Variants in SLC16A4 observed in about 807,000 individuals in gnomAD.
The protein encoded by SLC16A4 is probable monocarboxylate transporter 5.
In SLC16A4, 39 loss-of-function variants were observed where a neutral mutation model predicts 47.9. That is an observed-to-expected ratio of 0.81 (90% CI 0.63 to 1.06). The LOEUF is 1.06. Ranked by LOEUF, SLC16A4 falls within the 50% of genes least tolerant of loss-of-function variation. The pLI is 0.00. For synonymous variants in SLC16A4, 189 were observed against 199.9 expected (o/e 0.95, Z 0.46); for missense variants, 524 against 573.8 (o/e 0.91, Z 0.89).
At chr1:110,378,128 C>T (rs759656069) in intron 6 of SLC16A4, among the ~76,000 whole-genome samples, 5 of 152,290 alleles carry the variant, frequency 3.3e-5, no homozygotes, top group Non-Finnish European at 7.3e-5. Context: ...CACGCCCGGC[C>T]AGTTGTTTTT....
chr1:110,363,972 C>G (rs1397187698), intron 8 of SLC16A4, 79 bp from the exon 9 acceptor site: 19 of 1,455,046 alleles, frequency 1.3e-5, no homozygotes, highest in Non-Finnish European at 1.8e-5. Context: ...CTCCTCAAAG[C>G]AAGGAGCCTC....
intron 8 of SLC16A4, among the ~76,000 whole-genome samples, chr1:110,366,904 T>C (rs1310615096): frequency 6.6e-6 from 1 of 152,230 alleles, no homozygotes; most frequent in African/African-American, 2.4e-5. Flanking sequence ...CCCAGTCATA[T>C]TTGATCATTG....
chr1:110,389,483 G>A (rs1441294008), intron 1 of SLC16A4, 128 bp from the exon 2 acceptor site: 6 of 641,316 alleles, frequency 9.4e-6, no homozygotes, highest in South Asian at 4.1e-5. Flanking sequence ...ACTGTGCAAC[G>A]CAGTTTGGAG....
At chr1:110,386,551 C>T (rs1662746841) in intron 2 of SLC16A4, among the ~76,000 whole-genome samples, 1 of 152,160 alleles carries the variant, frequency 6.6e-6, no homozygotes, top group Non-Finnish European at 1.5e-5. Flanking sequence ...TGGGTTGAAC[C>T]TGGCAGGAAC....
chr1:110,364,271 A>G (rs1239924313), intron 8 of SLC16A4, among the ~76,000 whole-genome samples: 10 of 152,174 alleles, frequency 6.6e-5, no homozygotes, highest in Non-Finnish European at 1.3e-4. Context: ...AGTACTTACT[A>G]TATTCCTGTT....
chr1:110,378,120 C>T (rs1352206892), intron 6 of SLC16A4, among the ~76,000 whole-genome samples: 2 of 152,204 alleles, frequency 1.3e-5, no homozygotes, highest in African/African-American at 2.4e-5. Context: ...TGAGCCACCA[C>T]GCCCGGCCAG....
At chr1:110,383,020 G>A in intron 2 of SLC16A4, 54 bp from the exon 3 acceptor site, 3 of 1,464,908 alleles carry the variant, frequency 2.0e-6, no homozygotes, top group Non-Finnish European at 2.8e-6. Context: ...CCATTACAGA[G>A]GCAATTACGG....
intron 8 of SLC16A4, chr1:110,375,213 G>T: frequency 2.8e-6 from 1 of 354,042 alleles, no homozygotes; most frequent in Non-Finnish European, 5.2e-6. Context: ...AGTAGACATA[G>T]ATCCAGTGTC....
intron 8 of SLC16A4, among the ~76,000 whole-genome samples, chr1:110,373,517 A>G (rs906419989): frequency 1.3e-5 from 2 of 152,116 alleles, no homozygotes; most frequent in South Asian, 2.1e-4. Context: ...CCTGCTTTCC[A>G]GGTATGAAAC....
At chr1:110,368,941 A>G (rs907063139) in intron 8 of SLC16A4, among the ~76,000 whole-genome samples, 2 of 151,962 alleles carry the variant, frequency 1.3e-5, no homozygotes, top group African/African-American at 4.8e-5. Flanking sequence ...TTGATTGTTA[A>G]GCTAAGTTAT....
rs1662050190 is a variant in SLC16A4 at position 110,377,096 on chromosome 1, ACTT to A, written c.1093_1095del (p.Lys365del). ...ATGAGGTAAGACTTGTGGTAATGATACTTCTTAATCCAGTTTTGATCAGCAACC... is the reference window on the plus strand; with the variant it reads ...ATGAGGTAAGACTTGTGGTAATGATACTTAATCCAGTTTTGATCAGCAACC... On this transcript the variant is annotated inframe_deletion, in exon 7 of 9. Coordinates refer to ENST00000369779, the MANE Select transcript of SLC16A4 (RefSeq NM_004696.3). 5.0e-6 allele frequency: 8 copies of A among 1,614,124 alleles called. No homozygotes were observed. The highest frequency in any genetic ancestry group is 1.1e-5 in the South Asian group (1 of 91,080).
chr1:110,367,660 C>T (rs1661462634), intron 8 of SLC16A4, among the ~76,000 whole-genome samples: 1 of 151,744 alleles, frequency 6.6e-6, no homozygotes, highest in Non-Finnish European at 1.5e-5. Context: ...TGTGTCACTG[C>T]CCTCCAGCCT....
At position 110,378,798 on chromosome 1, in the gene SLC16A4, G is replaced by A. The variant is rs896723967; in HGVS notation, c.1030+55C>T. The stretch of plus-strand genomic sequence containing the variant: ...CTTTTTATTAAAATGTAATAAGCTT[G>A]TAAAATTAAGTTGATCTTTCCTTTT... On this transcript the variant is annotated intron_variant, in intron 6 of 8. Transcript: ENST00000369779. The A allele has an allele frequency of 2.8e-5, 43 of 1,522,922 alleles. 1 individual carries two copies. Among genetic ancestry groups the A allele is most frequent in the Non-Finnish European group, 3.6e-5 (41 of 1,136,856 alleles). 94.3% of individuals were successfully genotyped at this position (1,522,922 alleles called of 1,614,324 possible). A position where few individuals can be genotyped will look rare whatever the true frequency, so the allele number is the denominator to read the frequency against.
rs138826580 is a variant in SLC16A4 at position 110,363,924 on chromosome 1, A to G, written c.1337-31T>C. 379 of 1,586,100 alleles carry G rather than the reference A, an allele frequency of 2.4e-4. 3 individuals carry two copies. The African/African-American group carries it at 4.8e-3, about 20-fold the overall frequency. ...AGGAAGGAATGATTTCTGTTAGGGA[A>G]GGAAATTTTGCCATTAGTAACTCTC... On this transcript the variant is annotated intron_variant, in intron 8 of 8. Transcript: ENST00000369779.
intron 8 of SLC16A4, among the ~76,000 whole-genome samples, chr1:110,374,048 T>A (rs1281417964): frequency 6.6e-6 from 1 of 151,904 alleles, no homozygotes; most frequent in Non-Finnish European, 1.5e-5. Context: ...TCTGAGTCTT[T>A]TTTTGAGATG....
intron 3 of SLC16A4, 133 bp from the exon 4 acceptor site, chr1:110,381,928 A>G: frequency 1.2e-6 from 1 of 843,296 alleles, no homozygotes; most frequent in Non-Finnish European, 1.8e-6. Flanking sequence ...ATTCTTCAAA[A>G]AAGATTTTCA....
chr1:110,375,833 C>T (rs1661967572), intron 7 of SLC16A4, among the ~76,000 whole-genome samples: 1 of 152,062 alleles, frequency 6.6e-6, no homozygotes, highest in South Asian at 2.1e-4. Context: ...CTTCCCCAAA[C>T]CTTGCTGCTT....
At chr1:110,381,348 G>T (rs1339079887) in intron 4 of SLC16A4, among the ~76,000 whole-genome samples, 1 of 152,006 alleles carries the variant, frequency 6.6e-6, no homozygotes, top group Non-Finnish European at 1.5e-5. Context: ...TTGAGACAGG[G>T]TCTCACTTTG....
intron 8 of SLC16A4, among the ~76,000 whole-genome samples, chr1:110,374,001 C>T (rs893733002): frequency 1.8e-5 from 2 of 113,612 alleles, no homozygotes. Context: ...TCTTGTTATC[C>T]TTAGTTTATA....
Sources: gnomAD v4.1 joint callset for allele counts (sites outside exome capture counted in the v4.1 genomes callset) on GRCh38, gnomAD v4.1.1 for gene constraint, MANE v1.5 for transcripts, NCBI Gene and HGNC (gene_info 2026-07-23, HGNC 2026-07-21) for gene names.